Variants in SORCS2 observed in about 807,000 individuals in gnomAD.
The protein encoded by SORCS2 is sortilin related VPS10 domain containing receptor 2, also known as VPS10 domain-containing receptor SorCS2.
In SORCS2, 100 loss-of-function variants were observed where a neutral mutation model predicts 141.6. The ratio of observed to expected loss-of-function variants is 0.71; its 90% CI spans 0.60 to 0.83. The LOEUF is 0.83. SORCS2 is among the 40% of genes least tolerant of loss of function. The probability of loss-of-function intolerance (pLI) is 0.00; values close to 1 mark genes in which losing one functional copy is unlikely to be tolerated. For missense variants in SORCS2, 1,646 were observed against 1,560.2 expected (o/e 1.05, Z -0.93); for synonymous variants, 789 against 676.9 (o/e 1.17, Z -2.57).
chr4:7,300,324 G>A (rs549620542), intron 1 of SORCS2, among the ~76,000 whole-genome samples: 3 of 152,218 alleles, frequency 2.0e-5, no homozygotes, highest in East Asian at 3.9e-4. Context: ...GGAGGGTGGG[G>A]GGTACTTTTC....
intron 1 of SORCS2, among the ~76,000 whole-genome samples, chr4:7,283,937 C>T (rs1716044665): frequency 1.3e-5 from 2 of 152,100 alleles, no homozygotes; most frequent in African/African-American, 4.8e-5. Flanking sequence ...TGATCTTGCC[C>T]CTTGGCCTCT....
At chr4:7,587,094 A>C (rs1033860523) in intron 3 of SORCS2, among the ~76,000 whole-genome samples, 1 of 151,986 alleles carries the variant, frequency 6.6e-6, no homozygotes, top group Admixed American at 6.6e-5. Context: ...GCTCCCTGTC[A>C]TGAGAGGTGC....
At chr4:7,574,729 G>T (rs1198866532) in intron 3 of SORCS2, among the ~76,000 whole-genome samples, 1 of 152,152 alleles carries the variant, frequency 6.6e-6, no homozygotes, top group African/African-American at 2.4e-5. Flanking sequence ...GGGCCTTTTA[G>T]GTCAACCCCC....
chr4:7,250,810 C>T (rs1713456037), intron 1 of SORCS2, among the ~76,000 whole-genome samples: 6 of 152,380 alleles, frequency 3.9e-5, no homozygotes, highest in Admixed American at 3.9e-4. Context: ...TTCCCTTTCA[C>T]TTTGTTACTT....
chr4:7,668,720 G>A (rs893126081), intron 8 of SORCS2, among the ~76,000 whole-genome samples: 2 of 152,198 alleles, frequency 1.3e-5, no homozygotes, highest in Middle Eastern at 3.2e-3. Flanking sequence ...AAAGCTAATG[G>A]TTTCATTTCA....
chr4:7,230,230 T>C (rs1434744708), intron 1 of SORCS2, among the ~76,000 whole-genome samples: 1 of 131,132 alleles, frequency 7.6e-6, no homozygotes, highest in African/African-American at 2.9e-5. Context: ...CATGTGCTCA[T>C]GTATGAAGGA....
chr4:7,452,992 G>C (rs1358749185), intron 2 of SORCS2, among the ~76,000 whole-genome samples: 1 of 113,288 alleles, frequency 8.8e-6, no homozygotes, highest in African/African-American at 3.0e-5. Context: ...GTCAGGCTCC[G>C]TGTTGGGGTC....
intron 18 of SORCS2, among the ~76,000 whole-genome samples, chr4:7,723,212 A>G (rs954272611): frequency 6.6e-6 from 1 of 152,048 alleles, no homozygotes; most frequent in African/African-American, 2.4e-5. Context: ...AGAGAAAATT[A>G]AGAACCGCAG....
intron 5 of SORCS2, among the ~76,000 whole-genome samples, chr4:7,657,613 G>C (rs1264929744): frequency 6.8e-6 from 1 of 146,142 alleles, no homozygotes; most frequent in Non-Finnish European, 1.5e-5. Flanking sequence ...GAGTGGGTGA[G>C]TGAGTCACTG....
At chr4:7,301,064 G>T (rs1408847884) in intron 1 of SORCS2, among the ~76,000 whole-genome samples, 1 of 152,092 alleles carries the variant, frequency 6.6e-6, no homozygotes, top group African/African-American at 2.4e-5. Context: ...CAGCATCTCC[G>T]TGGGCCCCAT....
chr4:7,349,220 G>A (rs1268102069), intron 1 of SORCS2, among the ~76,000 whole-genome samples: 1 of 152,198 alleles, frequency 6.6e-6, no homozygotes, highest in Non-Finnish European at 1.5e-5. Flanking sequence ...ACTCCAGTCT[G>A]TCTCATTGCA....
intron 2 of SORCS2, among the ~76,000 whole-genome samples, chr4:7,522,964 CT>C (rs1488512135): frequency 8.6e-6 from 1 of 115,756 alleles, no homozygotes; most frequent in African/African-American, 3.3e-5. Context: ...CCCCTTCTCC[CT>C]TTTTCCCTCC....
At chr4:7,701,528 C>A (rs1450285033) in intron 12 of SORCS2, among the ~76,000 whole-genome samples, 2 of 152,156 alleles carry the variant, frequency 1.3e-5, no homozygotes, top group African/African-American at 2.4e-5. Context: ...TGGGCAGGGG[C>A]CCCTCCTTCG....
chr4:7,261,668 C>T (rs992840436), intron 1 of SORCS2, among the ~76,000 whole-genome samples: 1 of 152,212 alleles, frequency 6.6e-6, no homozygotes, highest in African/African-American at 2.4e-5. Context: ...TCAATTACAG[C>T]AGATCGGGAA....
chr4:7,375,438 G>A (rs1226500127), intron 1 of SORCS2, among the ~76,000 whole-genome samples: 1 of 152,302 alleles, frequency 6.6e-6, no homozygotes. Context: ...GCAGCGTTGC[G>A]GGGCCATCAG....
At chr4:7,615,122 C>T (rs1718674485) in intron 3 of SORCS2, among the ~76,000 whole-genome samples, 1 of 152,230 alleles carries the variant, frequency 6.6e-6, no homozygotes, top group South Asian at 2.1e-4. Flanking sequence ...TGTCCTCCAT[C>T]TGTTCATCCA....
At position 7,667,227 on chromosome 4, in the gene SORCS2, C is replaced by A; in HGVS notation, c.1161+14C>A. The A allele has an allele frequency of 6.2e-7, 1 of 1,612,240 alleles. No homozygotes were observed. The highest frequency in any genetic ancestry group is 8.5e-7 in the Non-Finnish European group (1 of 1,178,292). On this transcript the variant is annotated intron_variant, in intron 8 of 26. Transcript: ENST00000507866. Reference sequence around the variant, plus strand: ...GCATTGCCAAAGGTAAGGTGCTCCCCATTCCGCCTGGTCCTGTGGCCAGAC... The same window carrying A: ...GCATTGCCAAAGGTAAGGTGCTCCCAATTCCGCCTGGTCCTGTGGCCAGAC...
At chr4:7,471,581 C>T (rs756037437) in intron 2 of SORCS2, among the ~76,000 whole-genome samples, 4 of 152,238 alleles carry the variant, frequency 2.6e-5, no homozygotes, top group East Asian at 1.9e-4. Flanking sequence ...GCCCCTACCC[C>T]GTTCTCGGTT....
chr4:7,480,267 G>A (rs182557831), intron 2 of SORCS2, among the ~76,000 whole-genome samples: 1 of 152,240 alleles, frequency 6.6e-6, no homozygotes, highest in Non-Finnish European at 1.5e-5. Context: ...TGACTGCAGC[G>A]TCTGGGACTG....
Sources: gnomAD v4.1 joint callset for allele counts (sites outside exome capture counted in the v4.1 genomes callset) on GRCh38, gnomAD v4.1.1 for gene constraint, MANE v1.5 for transcripts, NCBI Gene and HGNC (gene_info 2026-07-23, HGNC 2026-07-21) for gene names.